The following GEMIN8 variants were observed in gnomAD, a reference collection of about 807,000 sequenced individuals.
GEMIN8 encodes the protein gem-associated protein 8.
For synonymous variants in GEMIN8, 80 were observed against 78.5 expected (o/e 1.02, Z -0.10); for missense variants, 185 against 205.9 (o/e 0.90, Z 0.62).
At chrX:14,012,820 C>G (rs1923648912) in intron 4 of GEMIN8, among the ~76,000 whole-genome samples, 1 of 109,441 alleles carries the variant, frequency 9.1e-6, no homozygotes, top group Admixed American at 9.8e-5. Flanking sequence ...ACTCCCTTCC[C>G]TGTGGGTTCC....
At chrX:13,994,841 C>T in the GEMIN8 span, among the ~76,000 whole-genome samples, 3 of 112,303 alleles carry the variant, frequency 2.7e-5, no homozygotes, top group Non-Finnish European at 5.6e-5. Flanking sequence ...ACAAACCACA[C>T]GATTTCTGCA....
At chrX:13,993,233 G>T in the GEMIN8 span, among the ~76,000 whole-genome samples, 1 of 111,208 alleles carries the variant, frequency 9.0e-6, no homozygotes, top group Non-Finnish European at 1.9e-5. Flanking sequence ...GACCCTTCAT[G>T]AACTGGCTCT....
chrX:14,013,906 A>C (rs754177994), intron 4 of GEMIN8: 1 of 698,651 alleles, frequency 1.4e-6, no homozygotes, highest in East Asian at 1.6e-4. Flanking sequence ...ATGTATTATT[A>C]AGGAAAAGCT....
intron 2 of GEMIN8, among the ~76,000 whole-genome samples, chrX:14,021,828 A>C (rs1003677679): frequency 6.0e-5 from 3 of 50,051 alleles, no homozygotes; most frequent in Non-Finnish European, 1.2e-4. Flanking sequence ...ATATATATAT[A>C]TATATATATA....
intron 4 of GEMIN8, among the ~76,000 whole-genome samples, chrX:14,012,245 G>A (rs1352282336): frequency 9.3e-6 from 1 of 107,887 alleles, no homozygotes; most frequent in East Asian, 2.9e-4. Context: ...GGTTTCCTGA[G>A]TAGCTGGGAC....
Position 14,007,821 on chromosome X carries a change from C to A in GEMIN8, c.*1092G>T, listed in dbSNP as rs148131569. 9.1e-6 allele frequency among the ~76,000 whole-genome samples: 1 copy of A among 110,426 alleles called. No individual in the cohort carries two copies. Among genetic ancestry groups the A allele is most frequent in the African/African-American group, 3.3e-5 (1 of 30,263 alleles). Reference sequence around the variant, plus strand: ...GGATTACAGGCATGAGCCACCGCGCCGGGCCGGAATTATTGTTCTTTGCTC... The same window carrying A: ...GGATTACAGGCATGAGCCACCGCGCAGGGCCGGAATTATTGTTCTTTGCTC... On this transcript the variant is annotated 3_prime_UTR_variant, in exon 5 of 5. Coordinates refer to ENST00000680255, the MANE Select transcript of GEMIN8 (RefSeq NM_001042479.2).
intron 4 of GEMIN8, among the ~76,000 whole-genome samples, chrX:14,019,625 A>G (rs1314574158): frequency 1.4e-4 from 16 of 112,111 alleles, no homozygotes; most frequent in Non-Finnish European, 2.6e-4. Context: ...CAGTACAGGA[A>G]GTAGAGGTAG....
the GEMIN8 span, among the ~76,000 whole-genome samples, chrX:13,986,576 A>G: frequency 8.9e-6 from 1 of 111,913 alleles, no homozygotes; most frequent in Non-Finnish European, 1.9e-5. Context: ...CAGCAGGAGG[A>G]GAAAGGATGA....
At chrX:13,998,143 A>T in the GEMIN8 span, among the ~76,000 whole-genome samples, 3 of 103,616 alleles carry the variant, frequency 2.9e-5, no homozygotes, top group Non-Finnish European at 3.9e-5. Context: ...TGGGGCAATC[A>T]CGGCTCTCTG....
downstream of GEMIN8, among the ~76,000 whole-genome samples, chrX:14,006,299 G>A (rs1374412400): frequency 9.0e-6 from 1 of 111,062 alleles, no homozygotes; most frequent in Non-Finnish European, 1.9e-5. Flanking sequence ...AAAGTGCTGG[G>A]ATTACAGGTG....
chrX:14,011,648 C>T (rs766125416), intron 4 of GEMIN8, among the ~76,000 whole-genome samples: 3 of 106,473 alleles, frequency 2.8e-5, no homozygotes, highest in African/African-American at 6.9e-5. Context: ...ACCACTGTCA[C>T]ATTACTCTCA....
intron 4 of GEMIN8, among the ~76,000 whole-genome samples, chrX:14,016,866 A>ATAT (rs869108534): frequency 4.2e-4 from 24 of 57,160 alleles, no homozygotes; most frequent in East Asian, 1.6e-3. Flanking sequence ...AAAAAAAAAA[A>ATAT]ATATATATAT....
chrX:13,984,685 A>G, the GEMIN8 span, among the ~76,000 whole-genome samples: 7 of 111,162 alleles, frequency 6.3e-5, no homozygotes, highest in African/African-American at 2.3e-4. Context: ...CTCTCAGTAA[A>G]TACTTGAGTG....
chrX:14,004,192 C>G (rs1445068548), downstream of GEMIN8, among the ~76,000 whole-genome samples: 2 of 112,298 alleles, frequency 1.8e-5, no homozygotes, highest in Non-Finnish European at 3.8e-5. Flanking sequence ...GCTATACCTA[C>G]ACAACTTCCT....
At chrX:14,012,478 T>A (rs1241289042) in intron 4 of GEMIN8, among the ~76,000 whole-genome samples, 4 of 110,750 alleles carry the variant, frequency 3.6e-5, no homozygotes, top group Non-Finnish European at 7.6e-5. Flanking sequence ...CTCAAGAGAT[T>A]TGGAGGTTTA....
At chrX:14,014,606 A>C in intron 4 of GEMIN8, 1 of 602,433 alleles carries the variant, frequency 1.7e-6, no homozygotes, top group Non-Finnish European at 2.0e-6. Context: ...CTTCAACCTC[A>C]TTGACTAAAG....
chrX:13,994,470 A>C, the GEMIN8 span, among the ~76,000 whole-genome samples: 3 of 112,185 alleles, frequency 2.7e-5, no homozygotes. Context: ...TTTGTTACTC[A>C]GTTTTGTTAC....
At chrX:14,001,851 G>T (rs1922982418), downstream of GEMIN8, among the ~76,000 whole-genome samples, 1 of 106,220 alleles carries the variant, frequency 9.4e-6, no homozygotes, top group East Asian at 3.1e-4. Flanking sequence ...GGCCTGGCTT[G>T]GTGGCTCACG....
chrX:13,993,874 T>C, the GEMIN8 span, among the ~76,000 whole-genome samples: 1 of 111,915 alleles, frequency 8.9e-6, no homozygotes, highest in Non-Finnish European at 1.9e-5. Flanking sequence ...ATACATGTTC[T>C]TGGACCCCAC....
Sources: gnomAD v4.1 joint callset for allele counts (sites outside exome capture counted in the v4.1 genomes callset) on GRCh38, gnomAD v4.1.1 for gene constraint, MANE v1.5 for transcripts, NCBI Gene and HGNC (gene_info 2026-07-23, HGNC 2026-07-21) for gene names.